OS9: variants seen among roughly 807,000 people sequenced by gnomAD.
OS9 encodes the protein protein OS-9.
OS9 carries 58 observed loss-of-function variants against 84.7 expected under a neutral mutation model. The observed-to-expected ratio is 0.68, with a 90% confidence interval of 0.55 to 0.85. OS9 has a LOEUF of 0.85. Among genes scored for constraint, OS9 ranks in the 40% least tolerant of loss-of-function variants. OS9 has a pLI of 0.00. For missense variants in OS9, 760 were observed against 850.9 expected, an observed-to-expected ratio of 0.89 and a Z score of 1.33; for synonymous variants, 278 against 320.8, an observed-to-expected ratio of 0.87 and a Z score of 1.43.
chr12:57,706,795 GCTGTTATCACGCCA>G (rs1434583122), intron 5 of OS9, among the ~76,000 whole-genome samples: 1 of 139,864 alleles, frequency 7.1e-6, no homozygotes, highest in Non-Finnish European at 1.5e-5. Context: ...GCTGTTAGGA[GCTGTTATCACGCCA>G]CTGGACTCCA....
chr12:57,698,147 A>G (rs993832718), intron 5 of OS9, among the ~76,000 whole-genome samples: 30 of 152,118 alleles, frequency 2.0e-4, no homozygotes, highest in African/African-American at 7.0e-4. Flanking sequence ...ACAGTGCTTC[A>G]CTCAAATAGG....
intron 5 of OS9, among the ~76,000 whole-genome samples, chr12:57,712,539 A>G (rs1409444002): frequency 1.3e-5 from 2 of 151,648 alleles, no homozygotes; most frequent in Non-Finnish European, 2.9e-5. Context: ...GCTACTTTTA[A>G]CTCTTTGTGA....
chr12:57,719,080 C>A lies in OS9; in HGVS notation c.1498C>A (p.Leu500Ile), dbSNP rs1276721902. Reference sequence around the variant, plus strand: ...GGCTCTCACATCCACTCTCAACAAACTCATCAAAAGACTGGAGGAAAAACA... The same window carrying A: ...GGCTCTCACATCCACTCTCAACAAAATCATCAAAAGACTGGAGGAAAAACA... ...MLALTSTLNK[L>I]IKRLEEKQSP... The change falls in exon 12 of 15, where the codon CTC (leucine) becomes ATC (isoleucine). Residue 500 changes from leucine to isoleucine, a missense_variant. Leu to Ile is a conservative substitution (Grantham distance 5, BLOSUM62 2). Coordinates refer to ENST00000315970, the MANE Select transcript of OS9 (RefSeq NM_006812.4). 6 of 1,614,058 alleles carry A rather than the reference C, an allele frequency of 3.7e-6. No homozygotes were observed. Among genetic ancestry groups the A allele is most frequent in the Non-Finnish European group, 4.2e-6 (5 of 1,179,946 alleles).
intron 5 of OS9, among the ~76,000 whole-genome samples, chr12:57,709,255 G>A (rs572729378): frequency 1.4e-4 from 22 of 152,248 alleles, no homozygotes; most frequent in East Asian, 7.7e-4. Flanking sequence ...CTTCTTCAGC[G>A]AAATGCTTTT....
At chr12:57,710,319 A>G (rs748147136) in intron 5 of OS9, among the ~76,000 whole-genome samples, 4 of 152,024 alleles carry the variant, frequency 2.6e-5, no homozygotes, top group African/African-American at 7.3e-5. Context: ...TATCTTTTTA[A>G]TCTCTGTGGC....
Position 57,694,143 on chromosome 12 carries a change from A to T in OS9, c.-19A>T, listed in dbSNP as rs189426425. 9 of 1,613,948 alleles carry T rather than the reference A, an allele frequency of 5.6e-6. No individual in the cohort carries two copies. The highest frequency in any genetic ancestry group is 4.4e-5 in the South Asian group (4 of 91,084). ...CTTAGGGCGGAAACAGATTCTCTGC[A>T]TAAGAAGGGGAACGAAAGATGGCGG... On this transcript the variant is annotated 5_prime_UTR_variant, in exon 1 of 15. Transcript: ENST00000315970.
In OS9 at chr12:57,718,130, C is replaced by G. The variant is rs769508751; in HGVS notation, c.1135-16C>G. 9 of 1,609,898 alleles carry G rather than the reference C, an allele frequency of 5.6e-6. No individual in the cohort carries two copies. The highest frequency in any genetic ancestry group is 3.3e-5 in the Admixed American group (2 of 59,730). ...GAAACCCCAACTGTCTTTCTCCCCACTCCCTACCCACCCAGGGGAAGCCAA... is the reference window on the plus strand; with the variant it reads ...GAAACCCCAACTGTCTTTCTCCCCAGTCCCTACCCACCCAGGGGAAGCCAA... On this transcript the variant is annotated splice_polypyrimidine_tract_variant and intron_variant, in intron 10 of 14. Coordinates refer to ENST00000315970, the MANE Select transcript of OS9 (RefSeq NM_006812.4).
rs376669941 is a variant in OS9 at position 57,708,644 on chromosome 12, A to T, written c.580-7116A>T. Among the ~76,000 whole-genome samples, 5 of 152,006 alleles carry T rather than the reference A, an allele frequency of 3.3e-5. No homozygotes were observed. The East Asian group carries it at 5.8e-4, about 18-fold the overall frequency. On this transcript the variant is annotated intron_variant, in intron 5 of 14. Coordinates refer to ENST00000315970, the MANE Select transcript of OS9 (RefSeq NM_006812.4). ...CTGTCTCAAAAAAAAAAAAAAAGTCATCCTTATTCCTGCATATAGTTTCTG... is the reference window on the plus strand; with the variant it reads ...CTGTCTCAAAAAAAAAAAAAAAGTCTTCCTTATTCCTGCATATAGTTTCTG...
In OS9 at chr12:57,720,190, G is replaced by A. The variant is rs1392319121; in HGVS notation, c.1692G>A (p.Arg564=). ...NQDLTVLEMK[R]ENPQLKQIEG... ...ATCTGACTGTCCTCGAGATGAAACG[G>A]GAAAACCCACAGCTGAAACAAATCG... The change falls in exon 13 of 15, where the codon CGG becomes CGA. Residue 564 remains arginine, a synonymous_variant. Transcript: ENST00000315970. 1 of 1,614,216 alleles carries A rather than the reference G, an allele frequency of 6.2e-7. No homozygotes were observed. Among genetic ancestry groups the A allele is most frequent in the African/African-American group, 1.3e-5 (1 of 75,064 alleles).
chr12:57,699,951 C>T (rs960425444), intron 5 of OS9, among the ~76,000 whole-genome samples: 3 of 151,852 alleles, frequency 2.0e-5, no homozygotes, highest in African/African-American at 4.8e-5. Context: ...CAAAATTAGC[C>T]GGGTGTGGTG....
chr12:57,716,159 G>C lies in OS9; in HGVS notation c.858G>C (p.Glu286Asp). The C allele has an allele frequency of 1.2e-6, 2 of 1,612,652 alleles. No individual in the cohort carries two copies. Among genetic ancestry groups the C allele is most frequent in the Non-Finnish European group, 1.7e-6 (2 of 1,179,760 alleles). ...LQDLGPQVWS[E>D]TKSGVAPQKM... ...ATCTAGGCCCCCAAGTGTGGAGTGA[G>C]ACCAAGTCTGGGGTGGCACCCCAAA... The change falls in exon 7 of 15, where the codon GAG (glutamate) becomes GAC (aspartate). Residue 286 changes from glutamate to aspartate, a missense_variant. By Grantham distance (45) the Glu-to-Asp change is conservative. Coordinates refer to ENST00000315970, the MANE Select transcript of OS9 (RefSeq NM_006812.4).
intron 5 of OS9, among the ~76,000 whole-genome samples, chr12:57,700,643 A>C (rs1340686135): frequency 2.6e-5 from 4 of 152,154 alleles, no homozygotes; most frequent in African/African-American, 9.7e-5. Flanking sequence ...CTGGTTAGCT[A>C]TATGGAATTA....
chr12:57,714,174 A>G (rs1954414334), intron 5 of OS9, among the ~76,000 whole-genome samples: 1 of 151,796 alleles, frequency 6.6e-6, no homozygotes, highest in Non-Finnish European at 1.5e-5. Flanking sequence ...TGTCCTTAGG[A>G]AAATTTCCAA....
chr12:57,713,210 T>A (rs552334682), intron 5 of OS9, among the ~76,000 whole-genome samples: 2 of 152,314 alleles, frequency 1.3e-5, no homozygotes, highest in East Asian at 3.9e-4. Context: ...GAAGTGCCTA[T>A]AGGCTTGAAT....
In OS9 at chr12:57,720,934, A is replaced by G. The variant is rs1384531338; in HGVS notation, c.*25A>G. Reference sequence around the variant, plus strand: ...AGACCAACACTACACTTGACCCTTCACGGAATCCAGACTCTTCCTGGACTG... The same window carrying G: ...AGACCAACACTACACTTGACCCTTCGCGGAATCCAGACTCTTCCTGGACTG... On this transcript the variant is annotated 3_prime_UTR_variant, in exon 15 of 15. Coordinates refer to ENST00000315970, the MANE Select transcript of OS9 (RefSeq NM_006812.4). The G allele has an allele frequency of 1.2e-6, 2 of 1,613,704 alleles. No homozygotes were observed.
chr12:57,695,904 CCCT>C (rs772729031), intron 3 of OS9, 55 bp from the exon 4 acceptor site: 1,102 of 1,535,864 alleles, frequency 7.2e-4, no homozygotes, highest in Non-Finnish European at 8.9e-4. Flanking sequence ...TTCCCCAGTT[CCCT>C]CCTCCTCCTC....
chr12:57,698,702 G>A (rs762784585), intron 5 of OS9, among the ~76,000 whole-genome samples: 21 of 152,196 alleles, frequency 1.4e-4, no homozygotes, highest in Non-Finnish European at 3.1e-4. Flanking sequence ...AGTGCAAAAG[G>A]CCTGGAGACA....
At position 57,701,627 on chromosome 12, in the gene OS9, T is replaced by G. The variant is rs569937942; in HGVS notation, c.579+5254T>G. On this transcript the variant is annotated intron_variant, in intron 5 of 14. Coordinates refer to ENST00000315970, the MANE Select transcript of OS9 (RefSeq NM_006812.4). ...TGTGTTTCATTGCTTACTTACCCAT[T>G]CCTCTGTTGATAAACAGTTGGGTTT... Among the ~76,000 whole-genome samples the G allele has an allele frequency of 2.6e-4, 39 of 152,116 alleles. No homozygotes were observed. In the South Asian group the frequency reaches 8.1e-3, roughly 32 times the overall value.
At chr12:57,697,377 C>T (rs1319238187) in intron 5 of OS9, among the ~76,000 whole-genome samples, 1 of 152,202 alleles carries the variant, frequency 6.6e-6, no homozygotes, top group Non-Finnish European at 1.5e-5. Flanking sequence ...TGTTTCAGCA[C>T]AGACCAGGGT....
Sources: allele counts gnomAD v4.1 joint callset (sites outside exome capture counted in the v4.1 genomes callset), GRCh38; gene constraint gnomAD v4.1.1; transcripts MANE v1.5; gene names NCBI Gene and HGNC (gene_info 2026-07-23, HGNC 2026-07-21).